Variants in HEPACAM observed in about 807,000 individuals in gnomAD.
The protein encoded by HEPACAM is hepatocyte cell adhesion molecule.
Under a neutral mutation model 38.3 loss-of-function variants are expected in HEPACAM, and 18 were observed. The observed-to-expected ratio is 0.47, with a 90% CI of 0.33 to 0.70. The LOEUF (loss-of-function observed/expected upper bound fraction) is 0.70, where lower values mean the gene tolerates loss of function less well. HEPACAM is among the 30% of genes least tolerant of loss of function. The pLI, the probability that HEPACAM is intolerant of heterozygous loss-of-function variation, is 0.03. For missense variants in HEPACAM, 466 were observed against 563.0 expected, an observed-to-expected ratio of 0.83 and a Z score of 1.74; for synonymous variants, 216 against 243.1, an observed-to-expected ratio of 0.89 and a Z score of 1.04.
chr11:124,923,668 C>T (rs1193358379), intron 3 of HEPACAM, 61 bp downstream of exon 3: 2 of 1,599,676 alleles, frequency 1.3e-6, no homozygotes, highest in African/African-American at 2.7e-5. Flanking sequence ...TCCTCAGTCC[C>T]TCATGGTCAC....
chr11:124,934,479 T>G (rs1947318718), intron 1 of HEPACAM, among the ~76,000 whole-genome samples: 1 of 150,740 alleles, frequency 6.6e-6, no homozygotes, highest in South Asian at 2.1e-4. Flanking sequence ...TAATCTAGTA[T>G]GTGTCCTTAT....
chr11:124,926,603 G>C (rs564722866), intron 1 of HEPACAM, among the ~76,000 whole-genome samples: 3 of 152,140 alleles, frequency 2.0e-5, no homozygotes, highest in African/African-American at 7.2e-5. Context: ...GAGGACGCCG[G>C]TTGGGAGCAG....
intron 6 of HEPACAM, 82 bp downstream of exon 6, chr11:124,922,306 G>A: frequency 7.3e-7 from 1 of 1,369,776 alleles, no homozygotes. Context: ...AAAGGGATAG[G>A]AATATAGTAT....
At position 124,924,036 on chromosome 11, in the gene HEPACAM, G is replaced by A. The variant is rs758419676; in HGVS notation, c.428-26C>T. 6.3e-7 allele frequency: 1 copy of A among 1,592,026 alleles called. No homozygotes were observed. Among genetic ancestry groups the A allele is most frequent in the South Asian group, 1.1e-5 (1 of 88,784 alleles). On this transcript the variant is annotated intron_variant, in intron 2 of 6. Transcript: ENST00000298251. The surrounding 1 kb of genome is among the most constrained non-coding windows in gnomAD (Gnocchi z 4.4). ...CTGAGCCGCAGGAATGGGGGAGCCT[G>A]TAAGTCATTGGCTAAGAAGTGTCTC...
At chr11:124,929,395 T>G (rs1489848365) in intron 1 of HEPACAM, among the ~76,000 whole-genome samples, 3 of 152,172 alleles carry the variant, frequency 2.0e-5, no homozygotes, top group Admixed American at 1.3e-4. Context: ...GAGAGCAGTT[T>G]GCTGAGCAAA....
intron 5 of HEPACAM, 99 bp downstream of exon 5, chr11:124,922,646 C>G: frequency 6.2e-7 from 1 of 1,613,852 alleles, no homozygotes; most frequent in African/African-American, 1.3e-5. Context: ...GGAAGGGTCC[C>G]TGCAGAGCTG....
Position 124,925,073 on chromosome 11 carries a change from T to C in HEPACAM, c.86-4A>G, listed in dbSNP as rs763487112. The C allele has an allele frequency of 6.3e-6, 10 of 1,577,522 alleles. No individual in the cohort carries two copies. In the South Asian group the frequency reaches 1.1e-4, roughly 17 times the overall value. On this transcript the variant is annotated splice_region_variant and splice_polypyrimidine_tract_variant and intron_variant, in intron 1 of 6. Transcript: ENST00000298251. The stretch of plus-strand genomic sequence containing the variant: ...ATGTTCACCCCCTCCAGGGGGTCTG[T>C]GAACAGAGGCCCATGAGGAAGAGGG...
Position 124,920,887 on chromosome 11 carries a change from A to G in HEPACAM, c.*251T>C, listed in dbSNP as rs1019914037. 2 of 1,339,496 alleles carry G rather than the reference A, an allele frequency of 1.5e-6. No homozygotes were observed. Among genetic ancestry groups the G allele is most frequent in the African/African-American group, 3.1e-5 (2 of 64,600 alleles). The allele number at this position is 1,339,496 out of a possible 1,614,324, so 83.0% of individuals were successfully genotyped here. A position where few individuals can be genotyped will look rare whatever the true frequency, so the allele number is the denominator to read the frequency against. ...ATCTATGTGGTCCTAAGAGGGCACA[A>G]CCTATACCAAGTGAGGACACAGCCA... On this transcript the variant is annotated 3_prime_UTR_variant, in exon 7 of 7. Transcript: ENST00000298251.
Position 124,920,073 on chromosome 11 carries a change from A to C in HEPACAM, c.*1065T>G. The C allele has an allele frequency of 6.4e-7, 1 of 1,561,992 alleles. No individual in the cohort carries two copies. On this transcript the variant is annotated 3_prime_UTR_variant, in exon 7 of 7. Coordinates refer to ENST00000298251, the MANE Select transcript of HEPACAM (RefSeq NM_152722.5). Reference sequence around the variant, plus strand: ...GGACCTGAGCATGTGGGAGCAGGGCAGATGGGTGGCAGGAGGCCAGGGGTT... The same window carrying C: ...GGACCTGAGCATGTGGGAGCAGGGCCGATGGGTGGCAGGAGGCCAGGGGTT...
chr11:124,923,397 C>G lies in HEPACAM; in HGVS notation c.746G>C (p.Gly249Ala). Residue 249 changes from glycine (G) to alanine (A), a missense_variant, in exon 4 of 7, where the codon GGC becomes GCC. By Grantham distance (60) the Gly-to-Ala change is moderately conservative. Coordinates refer to ENST00000298251, the MANE Select transcript of HEPACAM (RefSeq NM_152722.5). ...CACCAAGGTCACAAGGAGGAAGATG[C>G]CTCCTGTAGACAAGATGATGTAAAG... The part of the protein sequence containing the change: ...SSLYIILSTG[G>A]IFLLVTLVTV... 1 of 1,613,510 alleles carries G rather than the reference C, an allele frequency of 6.2e-7. No homozygotes were observed. Among genetic ancestry groups the G allele is most frequent in the Non-Finnish European group, 8.5e-7 (1 of 1,179,562 alleles).
At chr11:124,933,750 C>A (rs970836220) in intron 1 of HEPACAM, among the ~76,000 whole-genome samples, 1 of 152,174 alleles carries the variant, frequency 6.6e-6, no homozygotes, top group Non-Finnish European at 1.5e-5. Flanking sequence ...TTGCCTTATC[C>A]AATGGGCTCT....
Position 124,924,779 on chromosome 11 carries a change from T to A in HEPACAM, c.376A>T (p.Ile126Phe). The change falls in exon 2 of 7, where the codon ATC becomes TTC. Residue 126 changes from isoleucine to phenylalanine, a missense_variant. Transcript: ENST00000298251. The surrounding 1 kb of genome is among the most constrained non-coding windows in gnomAD (Gnocchi z 4.4). The stretch of plus-strand genomic sequence containing the variant: ...TCCCCAGTGAAGGTGTCGTCGGTGA[T>A]GGAGATCTCGACCTCATAGGTGCCC... ...DEGTYEVEIS[I>F]TDDTFTGEKT... 1 of 1,614,156 alleles carries A rather than the reference T, an allele frequency of 6.2e-7. No individual in the cohort carries two copies.
chr11:124,927,021 A>G (rs1455414235), intron 1 of HEPACAM, among the ~76,000 whole-genome samples: 1 of 152,068 alleles, frequency 6.6e-6, no homozygotes, highest in Non-Finnish European at 1.5e-5. Flanking sequence ...GGCGCCCGCC[A>G]CCACGCCCGG....
At chr11:124,931,626 A>G (rs1022403208) in intron 1 of HEPACAM, among the ~76,000 whole-genome samples, 51 of 152,364 alleles carry the variant, frequency 3.3e-4, no homozygotes, top group African/African-American at 9.9e-4. Context: ...TAGGAGTGTA[A>G]ACTGATACAT....
intron 1 of HEPACAM, among the ~76,000 whole-genome samples, chr11:124,927,060 C>T (rs1330929177): frequency 1.3e-5 from 2 of 151,992 alleles, no homozygotes; most frequent in Non-Finnish European, 2.9e-5. Flanking sequence ...TTAGTAGAGA[C>T]GGGGTTTCAG....
In HEPACAM at chr11:124,920,720, A is replaced by G. The variant is rs1947120017; in HGVS notation, c.*418T>C. On this transcript the variant is annotated 3_prime_UTR_variant, in exon 7 of 7. Coordinates refer to ENST00000298251, the MANE Select transcript of HEPACAM (RefSeq NM_152722.5). ...AAAAAAAAAAAAAAAGTGCCCCAGC[A>G]CTCAGGCATTTGTTCAGAGGGAAGG... 4 of 981,760 alleles carry G rather than the reference A, an allele frequency of 4.1e-6. No homozygotes were observed. The African/African-American group carries it at 5.7e-5, about 14-fold the overall frequency. 60.8% of individuals were successfully genotyped at this position (981,760 alleles called of 1,614,324 possible). A position where few individuals can be genotyped will look rare whatever the true frequency, so the allele number is the denominator to read the frequency against.
intron 1 of HEPACAM, among the ~76,000 whole-genome samples, chr11:124,934,633 A>G (rs1231396275): frequency 1.3e-5 from 2 of 152,000 alleles, no homozygotes; most frequent in African/African-American, 2.4e-5. Flanking sequence ...CAGAGAGAGC[A>G]TGGCCCTGCT....
intron 1 of HEPACAM, among the ~76,000 whole-genome samples, chr11:124,931,680 C>T (rs1947282697): frequency 6.6e-6 from 1 of 152,190 alleles, no homozygotes; most frequent in African/African-American, 2.4e-5. Context: ...ACACTAAACA[C>T]ACAAATACCC....
rs771824179 is a variant in HEPACAM, at chr11:124,922,406, G to T, written c.930C>A (p.Leu310=). Residue 310 remains leucine (L), a synonymous_variant, in exon 6 of 7, where the codon CTC becomes CTA. Transcript: ENST00000298251. ...GEQERKNPMA[L]YILKDKDSPE... is the part of the protein sequence containing the mutation. Reference sequence around the variant, plus strand: ...CGCTCACCTTGTCCTTCAGGATATAGAGTGCCATGGGGTTCTTCCGTTCCT... The same window carrying T: ...CGCTCACCTTGTCCTTCAGGATATATAGTGCCATGGGGTTCTTCCGTTCCT... 1 of 1,614,156 alleles carries T rather than the reference G, an allele frequency of 6.2e-7. No individual in the cohort carries two copies. The highest frequency in any genetic ancestry group is 1.7e-5 in the Admixed American group (1 of 60,026).
Sources: allele counts gnomAD v4.1 joint callset (sites outside exome capture counted in the v4.1 genomes callset), GRCh38; gene constraint gnomAD v4.1.1; non-coding constraint Gnocchi (gnomAD v3.1); transcripts MANE v1.5; gene names NCBI Gene and HGNC (gene_info 2026-07-23, HGNC 2026-07-21).